The following CERT1 variants were observed in gnomAD, a reference collection of about 807,000 sequenced individuals.
CERT1 encodes ceramide transporter 1.
CERT1 carries 31 observed loss-of-function variants against 87.9 expected under a neutral mutation model. The observed-to-expected ratio is 0.35, with a 90% confidence interval of 0.27 to 0.48. CERT1 has a LOEUF of 0.48. CERT1 is among the 20% of genes least tolerant of loss of function. The pLI is 0.99. For synonymous variants in CERT1, 289 were observed against 250.9 expected (o/e 1.15, Z -1.44); for missense variants, 487 against 758.0 (o/e 0.64, Z 4.20).
At chr5:75,443,427 T>C (rs949765820) in intron 3 of CERT1, among the ~76,000 whole-genome samples, 2 of 152,212 alleles carry the variant, frequency 1.3e-5, no homozygotes, top group Non-Finnish European at 2.9e-5. Flanking sequence ...CTAATTTCCC[T>C]TGTAATTTTT....
At chr5:75,455,359 G>T (rs1338198672) in intron 3 of CERT1, among the ~76,000 whole-genome samples, 10 of 152,184 alleles carry the variant, frequency 6.6e-5, no homozygotes, top group Non-Finnish European at 1.5e-5. Context: ...TGCTTTCCAA[G>T]AGTTTGTAGA....
At chr5:75,495,934 GA>G (rs547865150) in intron 2 of CERT1, among the ~76,000 whole-genome samples, 201 of 147,944 alleles carry the variant, frequency 1.4e-3, no homozygotes, top group African/African-American at 4.0e-3. Flanking sequence ...AAAATTAGCT[GA>G]AAAAAAAATA....
intron 9 of CERT1, chr5:75,401,512 C>G (rs1434024470): frequency 6.6e-6 from 1 of 152,088 alleles, no homozygotes; most frequent in African/African-American, 2.4e-5. Context: ...CCCAAAACAG[C>G]ACATCCTAGA....
chr5:75,488,277 T>G (rs1161829490), intron 2 of CERT1, among the ~76,000 whole-genome samples: 1 of 152,068 alleles, frequency 6.6e-6, no homozygotes, highest in Non-Finnish European at 1.5e-5. Flanking sequence ...TATTACACAC[T>G]GTATGCCTGT....
intron 2 of CERT1, among the ~76,000 whole-genome samples, chr5:75,499,682 T>C (rs1369363725): frequency 1.3e-5 from 2 of 152,282 alleles, no homozygotes; most frequent in Admixed American, 6.5e-5. Context: ...ATGCACAACG[T>C]TTTAAGCACT....
intron 14 of CERT1, among the ~76,000 whole-genome samples, chr5:75,382,774 C>A (rs754743032): frequency 1.3e-5 from 2 of 151,598 alleles, no homozygotes; most frequent in Non-Finnish European, 2.9e-5. Context: ...TAATAAATAG[C>A]ATACAATACA....
rs144432006 is a variant in CERT1 at position 75,441,920 on chromosome 5, C to A, written c.349-15442G>T. Among the ~76,000 whole-genome samples, 13 of 152,172 alleles carry A rather than the reference C, an allele frequency of 8.5e-5. No homozygotes were observed. The East Asian group carries it at 2.3e-3, about 27-fold the overall frequency. The stretch of plus-strand genomic sequence containing the variant: ...TCTTTCATTTCTTTTGGGTAAATAC[C>A]CAGAAGTGGTAGATCATATGTTAAT... On this transcript the variant is annotated intron_variant, in intron 3 of 16. Transcript: ENST00000643780.
chr5:75,405,176 C>T (rs145103750), intron 8 of CERT1, among the ~76,000 whole-genome samples: 9 of 152,268 alleles, frequency 5.9e-5, no homozygotes, highest in African/African-American at 1.4e-4. Context: ...ATCATGCTTA[C>T]TAAGGGCAGG....
chr5:75,505,962 G>A lies in CERT1; in HGVS notation c.231+20C>T. 1.2e-6 allele frequency: 2 copies of A among 1,602,998 alleles called. No individual in the cohort carries two copies. Among genetic ancestry groups the A allele is most frequent in the Non-Finnish European group, 8.5e-7 (1 of 1,170,812 alleles). ...GACACTCAATAAATATTTGTTGAAT[G>A]AAGAAGAAAAGGAACTTACTGTGAT... On this transcript the variant is annotated intron_variant, in intron 2 of 16. Transcript: ENST00000643780.
In CERT1 at chr5:75,463,117, A is replaced by C. The variant is rs1228960115; in HGVS notation, c.232-3936T>G. Among the ~76,000 whole-genome samples, 4 of 152,136 alleles carry C rather than the reference A, an allele frequency of 2.6e-5. No individual in the cohort carries two copies. The East Asian group carries it at 7.7e-4, about 29-fold the overall frequency. ...GCAAATACTTTAGCTGGTGTTTTCA[A>C]ACATGAAAATATAACATACATAACA... is the stretch of plus-strand genomic sequence containing the variant. On this transcript the variant is annotated intron_variant, in intron 2 of 16. Transcript: ENST00000643780.
intron 2 of CERT1, among the ~76,000 whole-genome samples, chr5:75,503,586 TTGTG>T (rs1767483899): frequency 6.6e-6 from 1 of 151,990 alleles, no homozygotes; most frequent in Non-Finnish European, 1.5e-5. Flanking sequence ...ATATAAATGC[TTGTG>T]TTTTTTCCTA....
intron 3 of CERT1, among the ~76,000 whole-genome samples, chr5:75,436,943 A>G (rs991346580): frequency 7.4e-4 from 112 of 151,824 alleles, no homozygotes; most frequent in African/African-American, 2.7e-3. Context: ...ATGCCCCACT[A>G]ATTTATTTTT....
chr5:75,393,102 T>G (rs1025751237), intron 11 of CERT1, among the ~76,000 whole-genome samples: 1 of 146,792 alleles, frequency 6.8e-6, no homozygotes, highest in Non-Finnish European at 1.5e-5. Flanking sequence ...AAATTTGACA[T>G]TCTAGGAAAT....
intron 16 of CERT1, among the ~76,000 whole-genome samples, chr5:75,380,222 GA>G (rs1311872344): frequency 1.2e-4 from 19 of 152,100 alleles, no homozygotes; most frequent in Admixed American, 6.5e-5. Context: ...AGCAAGCAAT[GA>G]AAAGACCTAT....
chr5:75,373,991 G>T (rs62366590), downstream of CERT1: 1 of 397,616 alleles, frequency 2.5e-6, no homozygotes, highest in Non-Finnish European at 4.4e-6. Context: ...ATAGTTATAT[G>T]CTGAGCAAGG....
intron 4 of CERT1, among the ~76,000 whole-genome samples, chr5:75,425,704 G>C (rs1763587797): frequency 6.6e-6 from 1 of 152,198 alleles, no homozygotes; most frequent in African/African-American, 2.4e-5. Flanking sequence ...AGCCACTTAT[G>C]AATGATGATA....
rs539390737 is a variant in CERT1, at chr5:75,449,708, T to C, written c.348+9357A>G. 7.1e-5 allele frequency among the ~76,000 whole-genome samples: 10 copies of C among 141,332 alleles called. No homozygotes were observed. In the South Asian group the frequency reaches 2.2e-3, roughly 31 times the overall value. The allele number at this position is 141,332 out of a possible 152,430, so 92.7% of individuals were successfully genotyped here. A position where few individuals can be genotyped will look rare whatever the true frequency, so the allele number is the denominator to read the frequency against. On this transcript the variant is annotated intron_variant, in intron 3 of 16. Transcript: ENST00000643780. ...TCCTCACCAACACTTGGTGGTGGTG[T>C]TTTTTTTTTTAAAGCCATTCTGATG... is the stretch of plus-strand genomic sequence containing the variant.
chr5:75,462,239 T>C (rs1054208356), intron 2 of CERT1, among the ~76,000 whole-genome samples: 1 of 152,178 alleles, frequency 6.6e-6, no homozygotes, highest in South Asian at 2.1e-4. Flanking sequence ...AGATATGATC[T>C]AAGGCAGCAG....
chr5:75,499,324 C>G (rs887924587), intron 2 of CERT1, among the ~76,000 whole-genome samples: 1 of 152,142 alleles, frequency 6.6e-6, no homozygotes, highest in Admixed American at 6.5e-5. Flanking sequence ...CAGAATGATA[C>G]AGTTTGGCTG....
Sources: gnomAD v4.1 joint callset for allele counts (sites outside exome capture counted in the v4.1 genomes callset) on GRCh38, gnomAD v4.1.1 for gene constraint, MANE v1.5 for transcripts, NCBI Gene and HGNC (gene_info 2026-07-23, HGNC 2026-07-21) for gene names.